CHIC1: variants seen among roughly 807,000 people sequenced by gnomAD.
CHIC1 encodes cysteine rich hydrophobic domain 1, also known as cysteine-rich hydrophobic domain-containing protein 1.
CHIC1 carries 7 observed loss-of-function variants against 18.5 expected under a neutral mutation model. The ratio of observed to expected loss-of-function variants is 0.38; its 90% CI spans 0.22 to 0.71. The LOEUF (loss-of-function observed/expected upper bound fraction) is 0.71. Among genes scored for constraint, CHIC1 ranks in the 30% least tolerant of loss-of-function variants. The probability of loss-of-function intolerance (pLI) is 0.49; values close to 1 mark genes in which losing one functional copy is unlikely to be tolerated. For synonymous variants in CHIC1, 77 were observed against 73.5 expected (o/e 1.05, Z -0.25); for missense variants, 159 against 176.9 (o/e 0.90, Z 0.57).
At chrX:73,610,449 G>C (rs759378789) in intron 3 of CHIC1, among the ~76,000 whole-genome samples, 2 of 106,404 alleles carry the variant, frequency 1.9e-5, no homozygotes, top group Non-Finnish European at 3.8e-5. Flanking sequence ...AGTTGGAAAT[G>C]CAGAAATCAC....
chrX:73,670,914 T>C (rs2058026938), intron 3 of CHIC1, among the ~76,000 whole-genome samples: 1 of 111,972 alleles, frequency 8.9e-6, no homozygotes, highest in African/African-American at 3.3e-5. Flanking sequence ...TTTGAGACAG[T>C]TTTTTACTTA....
intron 3 of CHIC1, among the ~76,000 whole-genome samples, chrX:73,606,939 C>T (rs1370133172): frequency 1.8e-5 from 2 of 108,942 alleles, no homozygotes; most frequent in Non-Finnish European, 3.8e-5. Flanking sequence ...AGTTGTCTTT[C>T]AGTCAGGAGG....
chrX:73,616,557 C>T (rs2057733856), intron 3 of CHIC1, among the ~76,000 whole-genome samples: 1 of 112,100 alleles, frequency 8.9e-6, no homozygotes, highest in South Asian at 3.7e-4. Flanking sequence ...GAGCCCCACC[C>T]CTGCAGCAAA....
intron 1 of CHIC1, among the ~76,000 whole-genome samples, chrX:73,571,222 C>T (rs1226227875): frequency 9.1e-6 from 1 of 110,034 alleles, no homozygotes; most frequent in African/African-American, 3.3e-5. Flanking sequence ...GCTAAATTAG[C>T]AGCAATTGCT....
chrX:73,616,978 T>C (rs1603344049), intron 3 of CHIC1, among the ~76,000 whole-genome samples: 3 of 112,574 alleles, frequency 2.7e-5, no homozygotes, highest in African/African-American at 9.7e-5. Context: ...TTGAATTTCT[T>C]CTGAGAAAAT....
chrX:73,584,424 C>CA lies in CHIC1; in HGVS notation c.360dup (p.Glu121ArgfsTer4). ...GATTGTACCCTCTTGTAGGTGGCCC[C>CA]AGAAGAATTTAAAACCAGCATTGGC... On this transcript the variant is annotated frameshift_variant, in exon 3 of 6. Coordinates refer to ENST00000373502, the MANE Select transcript of CHIC1 (RefSeq NM_001039840.4). LOFTEE classifies it high-confidence loss of function. 8.4e-7 allele frequency: 1 copy of CA among 1,187,182 alleles called. No individual in the cohort carries two copies. The highest frequency in any genetic ancestry group is 1.1e-6 in the Non-Finnish European group (1 of 882,314).
intron 3 of CHIC1, among the ~76,000 whole-genome samples, chrX:73,621,571 G>A (rs1221512929): frequency 8.9e-6 from 1 of 112,200 alleles, no homozygotes; most frequent in Non-Finnish European, 1.9e-5. Flanking sequence ...TCCTGAAGTT[G>A]CTTATCAGCT....
rs778460243 is a variant in CHIC1 at position 73,613,615 on chromosome X, T to C, written c.507+29043T>C. On this transcript the variant is annotated intron_variant, in intron 3 of 5. Coordinates refer to ENST00000373502, the MANE Select transcript of CHIC1 (RefSeq NM_001039840.4). ...CCTATTTTCTTTATAAATTACCTGG[T>C]TTCCAGTATTTTTTATAGCAACACA... Among the ~76,000 whole-genome samples, 6 of 112,166 alleles carry C rather than the reference T, an allele frequency of 5.3e-5. No homozygotes were observed. The East Asian group carries it at 1.7e-3, about 31-fold the overall frequency.
intron 3 of CHIC1, among the ~76,000 whole-genome samples, chrX:73,598,157 A>G (rs1010676523): frequency 4.5e-5 from 5 of 110,531 alleles, no homozygotes; most frequent in Non-Finnish European, 9.5e-5. Flanking sequence ...CGCTGGGTCA[A>G]ATGGTATTTC....
chrX:73,612,202 T>G (rs1463257124), intron 3 of CHIC1, among the ~76,000 whole-genome samples: 3 of 111,733 alleles, frequency 2.7e-5, no homozygotes, highest in African/African-American at 3.3e-5. Flanking sequence ...TTTGTATAAG[T>G]TGTATGGAAG....
intron 1 of CHIC1, among the ~76,000 whole-genome samples, chrX:73,575,471 T>C (rs143977194): frequency 0.015 from 1,705 of 110,229 alleles, 32 homozygotes; most frequent in African/African-American, 0.053. Flanking sequence ...TGGTATAGCC[T>C]AGTACACACC....
chrX:73,599,735 G>A (rs1180421686), intron 3 of CHIC1, among the ~76,000 whole-genome samples: 3 of 107,022 alleles, frequency 2.8e-5, no homozygotes, highest in Non-Finnish European at 5.7e-5. Context: ...GGTTACTGTA[G>A]CCTTATAGTA....
intron 3 of CHIC1, among the ~76,000 whole-genome samples, chrX:73,628,577 A>G (rs2057793836): frequency 9.0e-6 from 1 of 111,096 alleles, no homozygotes; most frequent in Non-Finnish European, 1.9e-5. Flanking sequence ...GCAGGACAGC[A>G]CTGTGTTCAG....
At chrX:73,673,539 G>T (rs1048476494) in intron 3 of CHIC1, among the ~76,000 whole-genome samples, 3 of 111,235 alleles carry the variant, frequency 2.7e-5, no homozygotes, top group Non-Finnish European at 3.8e-5. Flanking sequence ...TCATGATTTG[G>T]CTCTCTGTTT....
intron 3 of CHIC1, among the ~76,000 whole-genome samples, chrX:73,659,906 C>T (rs1027703195): frequency 2.7e-5 from 3 of 111,513 alleles, no homozygotes; most frequent in African/African-American, 9.8e-5. Context: ...TATAGGGGAG[C>T]AGGACGTGGC....
intron 3 of CHIC1, among the ~76,000 whole-genome samples, chrX:73,598,015 TATCA>T (rs2057619746): frequency 9.0e-6 from 1 of 111,656 alleles, no homozygotes; most frequent in Non-Finnish European, 1.9e-5. Context: ...TTATCCAGAG[TATCA>T]TTCATGTGCA....
At chrX:73,644,607 A>G (rs888873032) in intron 3 of CHIC1, among the ~76,000 whole-genome samples, 3 of 112,165 alleles carry the variant, frequency 2.7e-5, no homozygotes, top group Non-Finnish European at 5.6e-5. Context: ...CCCCAGCCTC[A>G]CTGCCGCCTT....
chrX:73,672,623 T>C (rs2058037732), intron 3 of CHIC1, among the ~76,000 whole-genome samples: 1 of 112,447 alleles, frequency 8.9e-6, no homozygotes, highest in South Asian at 3.7e-4. Flanking sequence ...GTTTGTTTTT[T>C]CTTGTAAATT....
chrX:73,605,236 C>A, intron 3 of CHIC1, among the ~76,000 whole-genome samples: 1 of 108,400 alleles, frequency 9.2e-6, no homozygotes, highest in South Asian at 3.8e-4. Flanking sequence ...TTGCATTGAA[C>A]CCTTTACCAT....
Sources: gnomAD v4.1 joint callset for allele counts (sites outside exome capture counted in the v4.1 genomes callset) on GRCh38, gnomAD v4.1.1 for gene constraint, MANE v1.5 for transcripts, NCBI Gene and HGNC (gene_info 2026-07-23, HGNC 2026-07-21) for gene names.